Variants in MED12L observed in about 807,000 individuals in gnomAD.
The protein encoded by MED12L is mediator complex subunit 12L.
In MED12L, 60 loss-of-function variants were observed where a neutral mutation model predicts 281.3. The observed-to-expected ratio is 0.21, with a 90% confidence interval of 0.17 to 0.26. MED12L has a LOEUF of 0.26. MED12L is among the 10% of genes least tolerant of loss of function. The pLI is 1.00. For missense variants in MED12L, 2,146 were observed against 2,680.9 expected (o/e 0.80, Z 4.41); for synonymous variants, 974 against 987.2 (o/e 0.99, Z 0.25).
chr3:151,315,835 G>A (rs937643525), intron 16 of MED12L, among the ~76,000 whole-genome samples: 1 of 152,178 alleles, frequency 6.6e-6, no homozygotes, highest in Non-Finnish European at 1.5e-5. Context: ...ACTTGAGAAT[G>A]TGATGTAAAA....
rs552071944 is a variant in MED12L, at chr3:151,434,619, T to G, written c.*1815T>G. The G allele has an allele frequency of 1.3e-5, 2 of 152,262 alleles. No homozygotes were observed. The highest frequency in any genetic ancestry group is 2.9e-5 in the Non-Finnish European group (2 of 68,046). 9.4% of individuals were successfully genotyped at this position (152,262 alleles called of 1,614,324 possible). A position where few individuals can be genotyped will look rare whatever the true frequency, so the allele number is the denominator to read the frequency against. ...TAGATAAGCTAATGAAGTTGTTTTC[T>G]TCAAAGTAATATATCTATATAATGA... is the stretch of plus-strand genomic sequence containing the variant. On this transcript the variant is annotated 3_prime_UTR_variant, in exon 45 of 45. Transcript: ENST00000687756.
At chr3:151,326,772 G>C (rs1391894708) in intron 16 of MED12L, 22 of 152,134 alleles carry the variant, frequency 1.4e-4, no homozygotes, top group Admixed American at 1.4e-3. Context: ...GTTGGAGCTC[G>C]TGGCACATTT....
At chr3:151,394,590 T>C in intron 38 of MED12L, 66 bp from the exon 39 acceptor site, 2 of 1,593,466 alleles carry the variant, frequency 1.3e-6, no homozygotes. Flanking sequence ...TTCTGTGTTT[T>C]GATACATAAA....
chr3:151,131,205 T>G (rs1715344803), intron 5 of MED12L, among the ~76,000 whole-genome samples: 1 of 152,242 alleles, frequency 6.6e-6, no homozygotes, highest in Admixed American at 6.5e-5. Flanking sequence ...TGTCAGTGTT[T>G]TTCCTGATGT....
chr3:151,261,977 T>A (rs147989201), intron 16 of MED12L, among the ~76,000 whole-genome samples: 43 of 152,266 alleles, frequency 2.8e-4, no homozygotes, highest in African/African-American at 9.1e-4. Flanking sequence ...TTGACCCGCC[T>A]CGGCCTCCCA....
chr3:151,132,217 G>A (rs939168922), intron 5 of MED12L, among the ~76,000 whole-genome samples: 8 of 152,164 alleles, frequency 5.3e-5, no homozygotes, highest in Non-Finnish European at 2.9e-5. Flanking sequence ...CATCTCAGAG[G>A]GAGCTTTGGG....
chr3:151,101,003 A>T (rs1230521532), intron 2 of MED12L, among the ~76,000 whole-genome samples: 1 of 152,196 alleles, frequency 6.6e-6, no homozygotes, highest in Non-Finnish European at 1.5e-5. Flanking sequence ...AAAATGAATT[A>T]CCAGGAAAAT....
At chr3:151,310,439 A>C (rs1747350260) in intron 16 of MED12L, among the ~76,000 whole-genome samples, 1 of 152,098 alleles carries the variant, frequency 6.6e-6, no homozygotes, top group Non-Finnish European at 1.5e-5. Context: ...AGCCCTTTTC[A>C]CTGTGCCTAC....
At chr3:151,280,084 T>A (rs551283470) in intron 16 of MED12L, among the ~76,000 whole-genome samples, 1 of 152,342 alleles carries the variant, frequency 6.6e-6, no homozygotes, top group South Asian at 2.1e-4. Flanking sequence ...CTTGCTTGCC[T>A]CTTAATGCCA....
At chr3:151,295,813 TAAAAA>T (rs986340558) in intron 16 of MED12L, among the ~76,000 whole-genome samples, 15 of 152,270 alleles carry the variant, frequency 9.9e-5, no homozygotes, top group African/African-American at 3.6e-4. Flanking sequence ...TTTTTGTAAA[TAAAAA>T]GAAAATCTAC....
intron 16 of MED12L, chr3:151,326,829 C>T (rs1043032576): frequency 2.0e-5 from 3 of 152,084 alleles, no homozygotes; most frequent in African/African-American, 7.2e-5. Context: ...AAGATGTAGA[C>T]TCTTATCCAT....
intron 16 of MED12L, among the ~76,000 whole-genome samples, chr3:151,289,861 A>G (rs1380497038): frequency 6.6e-6 from 1 of 151,366 alleles, no homozygotes; most frequent in African/African-American, 2.4e-5. Flanking sequence ...GACTACAACC[A>G]CTGAATATTC....
At chr3:151,364,438 T>C (rs1414296223) in intron 21 of MED12L, among the ~76,000 whole-genome samples, 1 of 152,174 alleles carries the variant, frequency 6.6e-6, no homozygotes, top group African/African-American at 2.4e-5. Context: ...CATATCCCCT[T>C]ACTAGAATGT....
intron 35 of MED12L, 109 bp from the exon 36 acceptor site, chr3:151,384,921 G>A (rs1713069072): frequency 1.4e-6 from 1 of 732,174 alleles, no homozygotes; most frequent in African/African-American, 1.8e-5. Context: ...CATGCGCTAA[G>A]CTATAAAAAG....
At chr3:151,302,576 CTAAAT>C (rs1163801792) in intron 16 of MED12L, among the ~76,000 whole-genome samples, 3 of 152,060 alleles carry the variant, frequency 2.0e-5, no homozygotes, top group Non-Finnish European at 4.4e-5. Context: ...TAATCTTTGC[CTAAAT>C]TAAAGTCAAG....
At chr3:151,246,465 C>T (rs558302392) in intron 16 of MED12L, among the ~76,000 whole-genome samples, 173 of 151,982 alleles carry the variant, frequency 1.1e-3, no homozygotes, top group Non-Finnish European at 2.1e-3. Flanking sequence ...GAAATAACGC[C>T]GCATATCTAC....
intron 16 of MED12L, among the ~76,000 whole-genome samples, chr3:151,284,467 A>G (rs956749781): frequency 3.9e-5 from 6 of 152,204 alleles, no homozygotes; most frequent in African/African-American, 1.2e-4. Flanking sequence ...GTTTTAGGCA[A>G]TTAATGCTGT....
chr3:151,229,293 A>T (rs1255626148), intron 16 of MED12L, among the ~76,000 whole-genome samples: 2 of 149,530 alleles, frequency 1.3e-5, no homozygotes, highest in Non-Finnish European at 3.0e-5. Context: ...ATAACTTATA[A>T]ATTCAGCAAT....
rs1295386166 is a variant in MED12L at position 151,413,236 on chromosome 3, C to A, written c.6238C>A (p.Pro2080Thr). 1.2e-6 allele frequency: 2 copies of A among 1,614,206 alleles called. No homozygotes were observed. Among genetic ancestry groups the A allele is most frequent in the Non-Finnish European group, 8.5e-7 (1 of 1,180,034 alleles). ...AHPNLPSVPL[P>T]QDPMRPRQPQ... ...TCCAAACCTTCCCTCCGTGCCCCTG[C>A]CTCAGGATCCCATGAGACCCAGACA... Residue 2080 changes from proline to threonine, a missense_variant, in exon 42 of 45, where the codon CCT becomes ACT. Transcript: ENST00000687756.
Sources: gnomAD v4.1 joint callset for allele counts (sites outside exome capture counted in the v4.1 genomes callset) on GRCh38, gnomAD v4.1.1 for gene constraint, MANE v1.5 for transcripts, NCBI Gene and HGNC (gene_info 2026-07-23, HGNC 2026-07-21) for gene names.